TOX: variants seen among roughly 807,000 people sequenced by gnomAD.
The protein encoded by TOX is thymocyte selection associated high mobility group box, also known as thymocyte selection-associated high mobility group box protein TOX.
A neutral mutation model predicts 53.7 loss-of-function variants in TOX; 11 were observed. That is an observed-to-expected ratio of 0.20 (90% CI 0.13 to 0.34). TOX has a LOEUF of 0.34. Among genes scored for constraint, TOX ranks in the 10% least tolerant of loss-of-function variants. The probability of loss-of-function intolerance (pLI) is 1.00; values close to 1 mark genes in which losing one functional copy is unlikely to be tolerated. For missense variants in TOX, 570 were observed against 664.6 expected (o/e 0.86, Z 1.56); for synonymous variants, 225 against 245.3 (o/e 0.92, Z 0.77).
In TOX at chr8:58,979,703, C is replaced by A. The variant is rs542048655; in HGVS notation, c.103-19695G>T. ...GATTTTTGTCTTGTTTCTCAAATGT[C>A]CAGTATATATTAAAAGCAATACAAC... On this transcript the variant is annotated intron_variant, in intron 1 of 8. Coordinates refer to ENST00000361421, the MANE Select transcript of TOX (RefSeq NM_014729.3). Among the ~76,000 whole-genome samples the A allele has an allele frequency of 7.2e-5, 11 of 152,284 alleles. No homozygotes were observed. In the East Asian group the frequency reaches 1.7e-3, roughly 24 times the overall value.
Position 59,048,612 on chromosome 8 carries a change from T to C in TOX, c.102+70274A>G, listed in dbSNP as rs1483396707. Among the ~76,000 whole-genome samples, 5 of 152,328 alleles carry C rather than the reference T, an allele frequency of 3.3e-5. No homozygotes were observed. In the South Asian group the frequency reaches 8.3e-4, roughly 25 times the overall value. On this transcript the variant is annotated intron_variant, in intron 1 of 8. Coordinates refer to ENST00000361421, the MANE Select transcript of TOX (RefSeq NM_014729.3). Reference sequence around the variant, plus strand: ...CATTTTTTATATTATCGGGAATGAATTGAGCCAAAAAATAAAGGGTGGGAG... The same window carrying C: ...CATTTTTTATATTATCGGGAATGAACTGAGCCAAAAAATAAAGGGTGGGAG...
chr8:58,899,902 G>C (rs1811706355), intron 3 of TOX, among the ~76,000 whole-genome samples: 1 of 152,048 alleles, frequency 6.6e-6, no homozygotes, highest in African/African-American at 2.4e-5. Context: ...ATGAGTGAAT[G>C]TTATTAGCTG....
intron 1 of TOX, among the ~76,000 whole-genome samples, chr8:59,039,710 C>T (rs1457068862): frequency 6.6e-6 from 1 of 152,166 alleles, no homozygotes; most frequent in African/African-American, 2.4e-5. Context: ...TCAGGCTAAA[C>T]ATTAAAGAAT....
intron 3 of TOX, among the ~76,000 whole-genome samples, chr8:58,852,748 C>T (rs1810846447): frequency 6.6e-6 from 1 of 151,972 alleles, no homozygotes; most frequent in Non-Finnish European, 1.5e-5. Flanking sequence ...GGAATTCAGG[C>T]AGGTAGAGGG....
At position 58,823,513 on chromosome 8, in the gene TOX, C is replaced by T. The variant is rs759142442; in HGVS notation, c.1005+3309G>A. On this transcript the variant is annotated intron_variant, in intron 6 of 8. Coordinates refer to ENST00000361421, the MANE Select transcript of TOX (RefSeq NM_014729.3). ...TGCTGGGATTACATGCATGAGCCACCGTGCCTGGCTGGTATATAGTATTTT... is the reference window on the plus strand; with the variant it reads ...TGCTGGGATTACATGCATGAGCCACTGTGCCTGGCTGGTATATAGTATTTT... Among the ~76,000 whole-genome samples the T allele has an allele frequency of 1.3e-4, 20 of 152,242 alleles. No homozygotes were observed. The Middle Eastern group carries it at 0.014, about 104-fold the overall frequency.
rs1686290384 is a variant in TOX, at chr8:59,050,360, CATGAACCACACATGACT to C, written c.102+68509_102+68525del. Among the ~76,000 whole-genome samples the C allele has an allele frequency of 4.6e-5, 7 of 152,194 alleles. No individual in the cohort carries two copies. The South Asian group carries it at 1.4e-3, about 32-fold the overall frequency. ...TAGAATAGCATTTGTGAAAGTGCTG[CATGAACCACACATGACT>C]ACTCAAATATTAGAAACGATAAGCC... On this transcript the variant is annotated intron_variant, in intron 1 of 8. Coordinates refer to ENST00000361421, the MANE Select transcript of TOX (RefSeq NM_014729.3).
chr8:58,887,466 AT>A lies in TOX; in HGVS notation c.412-35662del, dbSNP rs1471155924. On this transcript the variant is annotated intron_variant, in intron 3 of 8. Transcript: ENST00000361421. ...GAGGGACAACTTTCACAACTTTTTC[AT>A]TTTCTTTCTATCTTTTCTCAGTTCA... Among the ~76,000 whole-genome samples the A allele has an allele frequency of 2.6e-5, 4 of 151,764 alleles. No homozygotes were observed. The East Asian group carries it at 7.7e-4, about 29-fold the overall frequency.
intron 1 of TOX, among the ~76,000 whole-genome samples, chr8:59,091,840 C>T (rs1042470544): frequency 6.6e-6 from 1 of 152,198 alleles, no homozygotes; most frequent in Non-Finnish European, 1.5e-5. Context: ...CCACTCCATT[C>T]TCCAGTCACC....
chr8:58,905,158 CT>C (rs1811792377), intron 3 of TOX, among the ~76,000 whole-genome samples: 1 of 152,220 alleles, frequency 6.6e-6, no homozygotes, highest in Non-Finnish European at 1.5e-5. Flanking sequence ...GTCCCAATCT[CT>C]TGCCCTCATG....
chr8:58,878,090 T>C (rs1811316276), intron 3 of TOX, among the ~76,000 whole-genome samples: 1 of 152,126 alleles, frequency 6.6e-6, no homozygotes, highest in South Asian at 2.1e-4. Context: ...TACTCATCAC[T>C]AGCAGTGCCA....
intron 3 of TOX, among the ~76,000 whole-genome samples, chr8:58,877,334 A>C (rs914734982): frequency 6.6e-6 from 1 of 152,232 alleles, no homozygotes; most frequent in Non-Finnish European, 1.5e-5. Flanking sequence ...TGGAACAGTG[A>C]CATGCACTTT....
At chr8:59,074,573 T>A (rs530589534) in intron 1 of TOX, among the ~76,000 whole-genome samples, 13 of 152,262 alleles carry the variant, frequency 8.5e-5, no homozygotes, top group South Asian at 2.1e-4. Context: ...AGCAATGCAA[T>A]ATTGCGTTAA....
intron 1 of TOX, among the ~76,000 whole-genome samples, chr8:59,037,400 C>T (rs1803488814): frequency 6.6e-6 from 1 of 152,146 alleles, no homozygotes; most frequent in Non-Finnish European, 1.5e-5. Context: ...AGTCTACTTA[C>T]TCTCATGTTC....
intron 3 of TOX, 81 bp downstream of exon 3, chr8:58,939,221 T>C (rs770415064): frequency 3.2e-6 from 5 of 1,539,362 alleles, no homozygotes; most frequent in Non-Finnish European, 4.4e-6. Context: ...ATTATCACAA[T>C]GCCAGGCCCT....
chr8:58,925,903 T>C (rs1812151101), intron 3 of TOX, among the ~76,000 whole-genome samples: 2 of 152,328 alleles, frequency 1.3e-5, no homozygotes, highest in South Asian at 4.1e-4. Flanking sequence ...TACCATGCAC[T>C]GACTATTCTG....
At chr8:58,953,282 C>T (rs1812655191) in intron 2 of TOX, among the ~76,000 whole-genome samples, 2 of 152,092 alleles carry the variant, frequency 1.3e-5, no homozygotes. Context: ...ATTCAGTATC[C>T]ATACAGCTCT....
At chr8:59,004,344 T>C (rs1274448912) in intron 1 of TOX, among the ~76,000 whole-genome samples, 2 of 152,212 alleles carry the variant, frequency 1.3e-5, no homozygotes, top group Non-Finnish European at 2.9e-5. Flanking sequence ...CTCCAGTCAG[T>C]AGCAATTTTC....
intron 1 of TOX, among the ~76,000 whole-genome samples, chr8:59,106,022 G>A (rs1804893192): frequency 6.6e-6 from 1 of 152,098 alleles, no homozygotes; most frequent in Admixed American, 6.6e-5. Context: ...TCTTGACCAA[G>A]CAGTGATAGC....
intron 5 of TOX, among the ~76,000 whole-genome samples, chr8:58,831,881 T>G (rs7820385): frequency 0.064 from 9,745 of 152,128 alleles, 638 homozygotes; most frequent in African/African-American, 0.16. Context: ...TGGACTGATA[T>G]ACAGGTATAC....
Sources: gnomAD v4.1 joint callset for allele counts (sites outside exome capture counted in the v4.1 genomes callset) on GRCh38, gnomAD v4.1.1 for gene constraint, MANE v1.5 for transcripts, NCBI Gene and HGNC (gene_info 2026-07-23, HGNC 2026-07-21) for gene names.